Variants in SHPK observed in about 807,000 individuals in gnomAD.
SHPK encodes the protein carbohydrate kinase-like protein.
SHPK carries 51 observed loss-of-function variants against 46.3 expected under a neutral mutation model. The ratio of observed to expected loss-of-function variants is 1.10; its 90% CI spans 0.88 to 1.39. SHPK has a LOEUF of 1.39. SHPK is among the 40% of genes most tolerant of loss of function. The probability of loss-of-function intolerance (pLI) is 0.00; values close to 1 mark genes in which losing one functional copy is unlikely to be tolerated. For missense variants in SHPK, 668 were observed against 641.3 expected, an observed-to-expected ratio of 1.04 and a Z score of -0.45; for synonymous variants, 290 against 273.9, an observed-to-expected ratio of 1.06 and a Z score of -0.58.
chr17:3,624,190 GC>G lies in SHPK; in HGVS notation c.351del (p.Glu117AspfsTer46). 6.2e-7 allele frequency: 1 copy of G among 1,614,012 alleles called. No homozygotes were observed. The highest frequency in any genetic ancestry group is 8.5e-7 in the Non-Finnish European group (1 of 1,179,882). On this transcript the variant is annotated frameshift_variant, in exon 3 of 7. Coordinates refer to ENST00000225519, the MANE Select transcript of SHPK (RefSeq NM_013276.4). LOFTEE classifies it high-confidence loss of function. ...WTEGGITPVF[E>X]PRAVSHLVTW... ...GTGACCAGGTGGCTAACAGCTCGGG[GC>G]TCGAACACCGGGGTAATCCCTCCCT...
intron 2 of SHPK, among the ~76,000 whole-genome samples, chr17:3,629,128 G>A (rs2150874356): frequency 6.6e-6 from 1 of 152,198 alleles, no homozygotes; most frequent in East Asian, 1.9e-4. Flanking sequence ...GACAGACTTG[G>A]ATTCAAAAGT....
rs777161054 is a variant in SHPK at position 3,615,434 on chromosome 17, G to A, written c.927C>T (p.Tyr309=). The part of the protein sequence containing the change: ...DPTAPVAYFP[Y]FNRTYLGVAA... ...CCACCCCCAGGTAGGTCCTGTTGAA[G>A]TATGGGAAGTAGGCGACTGGGGCCG... The change falls in exon 6 of 7, where the codon TAC becomes TAT. Residue 309 remains tyrosine (Y), a synonymous_variant. Transcript: ENST00000225519. 2.5e-6 allele frequency: 4 copies of A among 1,614,094 alleles called. No individual in the cohort carries two copies. The South Asian group carries it at 4.4e-5, about 18-fold the overall frequency.
At chr17:3,614,253 A>G (rs1280762939) in intron 6 of SHPK, among the ~76,000 whole-genome samples, 1 of 152,184 alleles carries the variant, frequency 6.6e-6, no homozygotes, top group Non-Finnish European at 1.5e-5. Context: ...GGGCGAGCGC[A>G]GTGGCTCACG....
intron 2 of SHPK, 90 bp downstream of exon 2, chr17:3,630,115 C>A: frequency 6.5e-7 from 1 of 1,530,694 alleles, no homozygotes; most frequent in Non-Finnish European, 9.0e-7. Flanking sequence ...TGCAGGATAA[C>A]CCGACCCTTC....
Position 3,624,198 on chromosome 17 carries a change from A to C in SHPK, c.344T>G (p.Val115Gly). 1 of 1,613,850 alleles carries C rather than the reference A, an allele frequency of 6.2e-7. No homozygotes were observed. The highest frequency in any genetic ancestry group is 8.5e-7 in the Non-Finnish European group (1 of 1,179,768). Residue 115 changes from valine (V) to glycine (G), a missense_variant, in exon 3 of 7, where the codon GTG becomes GGG. By Grantham distance (109) the Val-to-Gly change is moderately radical. Transcript: ENST00000225519. ...CEWTEGGITP[V>G]FEPRAVSHLV... ...GTGGCTAACAGCTCGGGGCTCGAAC[A>C]CCGGGGTAATCCCTCCCTCTGTCCA...
intron 2 of SHPK, among the ~76,000 whole-genome samples, chr17:3,626,851 C>A (rs1161889341): frequency 6.6e-6 from 1 of 151,860 alleles, no homozygotes; most frequent in Non-Finnish European, 1.5e-5. Flanking sequence ...GCCCAGATCG[C>A]TCCATTGTAC....
At position 3,624,156 on chromosome 17, in the gene SHPK, T is replaced by G; in HGVS notation, c.386A>C (p.Asp129Ala). ...CAGGAATTCGCTGCTACATCGGCCA[T>G]CCTGCCACGTGACCAGGTGGCTAAC... ...RAVSHLVTWQ[D>A]GRCSSEFLAS... is the part of the protein sequence containing the mutation. The change falls in exon 3 of 7, where the codon GAT becomes GCT. Residue 129 changes from aspartate (D) to alanine (A), a missense_variant. Physicochemically the swap from Asp to Ala is moderately radical, Grantham distance 126 (BLOSUM62 -2). Transcript: ENST00000225519. The G allele has an allele frequency of 6.2e-7, 1 of 1,614,140 alleles. No homozygotes were observed. Among genetic ancestry groups the G allele is most frequent in the Non-Finnish European group, 8.5e-7 (1 of 1,179,982 alleles).
intron 1 of SHPK, among the ~76,000 whole-genome samples, chr17:3,635,591 A>G (rs2075515310): frequency 6.6e-6 from 1 of 152,204 alleles, no homozygotes; most frequent in South Asian, 2.1e-4. Context: ...GGAGCCAGTT[A>G]GGCCTGATTT....
At chr17:3,619,576 T>C (rs2075388071) in intron 5 of SHPK, 3 of 442,994 alleles carry the variant, frequency 6.8e-6, no homozygotes, top group Admixed American at 6.9e-5. Context: ...CTACTAAAAA[T>C]GCAAACATTA....
chr17:3,618,793 A>T (rs1035205512), intron 5 of SHPK, among the ~76,000 whole-genome samples: 1 of 151,706 alleles, frequency 6.6e-6, no homozygotes, highest in Non-Finnish European at 1.5e-5. Flanking sequence ...AAAAAAAAAA[A>T]TTCATTCATT....
intron 1 of SHPK, among the ~76,000 whole-genome samples, chr17:3,632,291 A>G (rs1388295970): frequency 6.6e-6 from 1 of 152,192 alleles, no homozygotes; most frequent in African/African-American, 2.4e-5. Flanking sequence ...GCTAGTTTAA[A>G]GAGTCCTCCC....
At chr17:3,630,034 G>A (rs569638747) in intron 2 of SHPK, among the ~76,000 whole-genome samples, 171 bp downstream of exon 2, 17 of 152,150 alleles carry the variant, frequency 1.1e-4, no homozygotes, top group African/African-American at 3.9e-4. Context: ...CCTAACATTG[G>A]TACAGAATGC....
rs886082027 is a variant in SHPK, at chr17:3,631,347, G to C, written c.169-1001C>G. The stretch of plus-strand genomic sequence containing the variant: ...AGAGCAGGGTGGGGACATGGGGGTG[G>C]GGGGCAGGAAGAAGGGTTCTGGGAA... On this transcript the variant is annotated intron_variant, in intron 1 of 6. Transcript: ENST00000225519. 2.0e-5 allele frequency among the ~76,000 whole-genome samples: 3 copies of C among 151,718 alleles called. No individual in the cohort carries two copies. In the East Asian group the frequency reaches 5.8e-4, roughly 29 times the overall value.
chr17:3,621,490 C>A, intron 4 of SHPK, 78 bp from the exon 5 acceptor site: 2 of 1,350,930 alleles, frequency 1.5e-6, no homozygotes, highest in Non-Finnish European at 1.0e-6. Context: ...TTCCTTCCTC[C>A]CTTCCTTCTC....
chr17:3,615,573 G>T, intron 5 of SHPK, 36 bp from the exon 6 acceptor site: 1 of 1,593,302 alleles, frequency 6.3e-7, no homozygotes. Context: ...AGGCCTGTCG[G>T]GCTAACTCAG....
At chr17:3,621,954 CTTCT>C (rs939546850) in intron 4 of SHPK, among the ~76,000 whole-genome samples, 5 of 151,878 alleles carry the variant, frequency 3.3e-5, no homozygotes, top group Admixed American at 1.3e-4. Context: ...CACCCGGCTC[CTTCT>C]TTCTTTTTTT....
Position 3,610,557 on chromosome 17 carries a change from T to C in SHPK, c.*3A>G. 6.3e-7 allele frequency: 1 copy of C among 1,588,718 alleles called. No homozygotes were observed. Among genetic ancestry groups the C allele is most frequent in the East Asian group, 2.3e-5 (1 of 44,266 alleles). The stretch of plus-strand genomic sequence containing the variant: ...GCAGTCGTTTGGCGAAAGAGTTTGC[T>C]GTCTAAGATTCCTTCTGGTTGAGGT... On this transcript the variant is annotated 3_prime_UTR_variant, in exon 7 of 7. Transcript: ENST00000225519.
intron 6 of SHPK, 86 bp downstream of exon 6, chr17:3,615,251 C>T (rs1031063733): frequency 1.6e-5 from 22 of 1,350,308 alleles, no homozygotes; most frequent in South Asian, 4.8e-5. Flanking sequence ...ACGCTGAAAC[C>T]GCACATGAAG....
chr17:3,636,070 G>T lies in SHPK; in HGVS notation c.150C>A (p.Ser50Arg). Residue 50 changes from serine to arginine, a missense_variant, in exon 1 of 7, where the codon AGC (serine) becomes AGA (arginine). Ser to Arg is a moderately radical substitution (Grantham distance 110, BLOSUM62 -1). Transcript: ENST00000225519. ...RAARAEAAVESAVAGPQGREQ... is the reference protein window; with the variant it reads ...RAARAEAAVERAVAGPQGREQ... ...AACTCACCTGGGGCCCGGCCACCGC[G>T]CTCTCGACCGCCGCCTCTGCCCGCG... 1.3e-6 allele frequency: 2 copies of T among 1,579,324 alleles called. No homozygotes were observed. The highest frequency in any genetic ancestry group is 1.7e-6 in the Non-Finnish European group (2 of 1,164,854).
Sources: allele counts gnomAD v4.1 joint callset (sites outside exome capture counted in the v4.1 genomes callset), GRCh38; gene constraint gnomAD v4.1.1; transcripts MANE v1.5; gene names NCBI Gene and HGNC (gene_info 2026-07-23, HGNC 2026-07-21).